Variants in C3orf20 observed in about 807,000 individuals in gnomAD.
C3orf20 encodes family with sequence similarity 149 member C, also known as uncharacterized protein C3orf20.
In C3orf20, 76 loss-of-function variants were observed where a neutral mutation model predicts 88.3. That is an observed-to-expected ratio of 0.86 (90% CI 0.72 to 1.04). The LOEUF (loss-of-function observed/expected upper bound fraction) is 1.04, where lower values mean the gene tolerates loss of function less well. Ranked by LOEUF, C3orf20 falls within the 50% of genes least tolerant of loss-of-function variation. The pLI, the probability that C3orf20 is intolerant of heterozygous loss-of-function variation, is 0.00. For synonymous variants in C3orf20, 436 were observed against 437.4 expected (o/e 1.00, Z 0.04); for missense variants, 1,056 against 1,123.3 (o/e 0.94, Z 0.86).
At chr3:14,686,193 C>CATGTGTGTGTGT (rs149515659) in intron 4 of C3orf20, among the ~76,000 whole-genome samples, 5 of 149,596 alleles carry the variant, frequency 3.3e-5, no homozygotes, top group South Asian at 2.1e-4. Context: ...GAATCATATT[C>CATGTGTGTGTGT]GTGTGTGTGT....
chr3:14,747,636 C>T (rs1472020949), intron 12 of C3orf20, among the ~76,000 whole-genome samples: 1 of 152,078 alleles, frequency 6.6e-6, no homozygotes, highest in Non-Finnish European at 1.5e-5. Context: ...CATGATTTTT[C>T]TCTTCAGTCA....
chr3:14,741,001 G>C (rs1265006539), intron 12 of C3orf20, among the ~76,000 whole-genome samples: 1 of 152,080 alleles, frequency 6.6e-6, no homozygotes, highest in South Asian at 2.1e-4. Context: ...GCCAATCCTT[G>C]ACTTTGTATC....
rs368656739 is a variant in C3orf20, at chr3:14,766,040, T to G, written c.2495+4425T>G. 5.3e-5 allele frequency among the ~76,000 whole-genome samples: 8 copies of G among 152,072 alleles called. No homozygotes were observed. The South Asian group carries it at 6.2e-4, about 12-fold the overall frequency. On this transcript the variant is annotated intron_variant, in intron 15 of 16. Coordinates refer to ENST00000253697, the MANE Select transcript of C3orf20 (RefSeq NM_032137.5). ...GGGGAGTCTGCAGGGCCTCTGGGAGTGGCGGGCCCAGTGGGCTGCACCAAG... is the reference window on the plus strand; with the variant it reads ...GGGGAGTCTGCAGGGCCTCTGGGAGGGGCGGGCCCAGTGGGCTGCACCAAG...
chr3:14,689,880 G>C (rs982124030), intron 4 of C3orf20, 117 bp from the exon 5 acceptor site: 1 of 1,337,464 alleles, frequency 7.5e-7, no homozygotes, highest in African/African-American at 1.5e-5. Flanking sequence ...TAACAATGCG[G>C]CACTTTACAG....
intron 12 of C3orf20, among the ~76,000 whole-genome samples, chr3:14,731,597 G>T (rs189232434): frequency 2.6e-5 from 4 of 152,256 alleles, no homozygotes; most frequent in African/African-American, 9.6e-5. Context: ...CAATGTTTCT[G>T]CTAAGGAAGC....
intron 12 of C3orf20, among the ~76,000 whole-genome samples, chr3:14,749,233 A>G (rs1471750224): frequency 6.6e-6 from 1 of 152,174 alleles, no homozygotes; most frequent in Non-Finnish European, 1.5e-5. Context: ...TTTTTTACTT[A>G]AAGTCTATTT....
intron 7 of C3orf20, among the ~76,000 whole-genome samples, chr3:14,713,597 C>A (rs2033828715): frequency 6.6e-6 from 1 of 152,224 alleles, no homozygotes; most frequent in Non-Finnish European, 1.5e-5. Flanking sequence ...GCTCTAGCCA[C>A]TTCCTTGTGA....
intron 12 of C3orf20, among the ~76,000 whole-genome samples, chr3:14,733,778 T>A (rs1469227422): frequency 6.6e-6 from 1 of 151,950 alleles, no homozygotes; most frequent in Non-Finnish European, 1.5e-5. Flanking sequence ...AACCTCTGCC[T>A]CCTGGGTTCA....
rs551233516 is a variant in C3orf20 at position 14,761,733 on chromosome 3, G to C, written c.2495+118G>C. The stretch of plus-strand genomic sequence containing the variant: ...GCAGGCGGGGCTGAAGGGATGGAGT[G>C]GGGAGGGGGGCTGGAGGTGGGAAGC... On this transcript the variant is annotated intron_variant, in intron 15 of 16. Transcript: ENST00000253697. The C allele has an allele frequency of 4.9e-6, 5 of 1,010,340 alleles. No homozygotes were observed. In the South Asian group the frequency reaches 5.7e-5, roughly 11 times the overall value. The allele number at this position is 1,010,340 out of a possible 1,614,324, so 62.6% of individuals were successfully genotyped here.
chr3:14,685,063 T>C lies in C3orf20; in HGVS notation c.625+681T>C, dbSNP rs553808963. 3.9e-5 allele frequency among the ~76,000 whole-genome samples: 6 copies of C among 152,196 alleles called. No homozygotes were observed. In the South Asian group the frequency reaches 1.0e-3, roughly 26 times the overall value. On this transcript the variant is annotated intron_variant, in intron 4 of 16. Coordinates refer to ENST00000253697, the MANE Select transcript of C3orf20 (RefSeq NM_032137.5). ...ATGTTTATTGCAGAATTCTTTGGAC[T>C]GGCAAAAATTAATCCGAATGTTTAT...
intron 4 of C3orf20, among the ~76,000 whole-genome samples, chr3:14,685,600 T>C (rs1373237723): frequency 6.6e-6 from 1 of 152,002 alleles, no homozygotes; most frequent in African/African-American, 2.4e-5. Context: ...TGCTATATAT[T>C]AGTTCTCCAC....
chr3:14,676,623 C>T (rs1183271346), intron 1 of C3orf20, among the ~76,000 whole-genome samples: 2 of 152,130 alleles, frequency 1.3e-5, no homozygotes, highest in African/African-American at 4.8e-5. Flanking sequence ...CCTGACACTC[C>T]TCCCCCCCAT....
intron 4 of C3orf20, among the ~76,000 whole-genome samples, chr3:14,687,679 T>A (rs2032502166): frequency 6.6e-6 from 1 of 152,194 alleles, no homozygotes; most frequent in South Asian, 2.1e-4. Context: ...CACTCCCACC[T>A]GAATACCATG....
chr3:14,747,963 T>C (rs2035105682), intron 12 of C3orf20, among the ~76,000 whole-genome samples: 1 of 152,110 alleles, frequency 6.6e-6, no homozygotes, highest in African/African-American at 2.4e-5. Flanking sequence ...TTTTCTTTTT[T>C]GTAGTGTCTT....
In C3orf20 at chr3:14,772,102, A is replaced by G. The variant is rs765560876; in HGVS notation, c.2531A>G (p.Glu844Gly). The G allele has an allele frequency of 1.9e-6, 3 of 1,614,200 alleles. 1 individual carries two copies. In the South Asian group the frequency reaches 3.3e-5, roughly 18 times the overall value. ...TCTGTCCTGAGCCTGGAGGATTCTG[A>G]ATCAGTCAAGAAAGCCGAGTCAGAA... is the stretch of plus-strand genomic sequence containing the variant. ...PNSVLSLEDS[E>G]SVKKAESEDI... is the part of the protein sequence containing the mutation. The change falls in exon 16 of 17, where the codon GAA becomes GGA. Residue 844 changes from glutamate to glycine, a missense_variant. Coordinates refer to ENST00000253697, the MANE Select transcript of C3orf20 (RefSeq NM_032137.5). This position sits in a 1 kb window ranked among gnomAD's most constrained non-coding sequence, Gnocchi z 4.2.
At chr3:14,760,415 C>T (rs556070932) in intron 14 of C3orf20, among the ~76,000 whole-genome samples, 1 of 152,258 alleles carries the variant, frequency 6.6e-6, no homozygotes, top group East Asian at 1.9e-4. Context: ...CATTTGCTCA[C>T]CCCACAGATA....
intron 5 of C3orf20, among the ~76,000 whole-genome samples, chr3:14,695,730 T>G (rs2032965071): frequency 6.6e-6 from 1 of 152,310 alleles, no homozygotes; most frequent in South Asian, 2.1e-4. Flanking sequence ...ATTGACTTCT[T>G]TATTATATAG....
chr3:14,732,663 T>A (rs1210115837), intron 12 of C3orf20, among the ~76,000 whole-genome samples: 1 of 152,090 alleles, frequency 6.6e-6, no homozygotes, highest in Non-Finnish European at 1.5e-5. Flanking sequence ...ATCTCGTGAG[T>A]TGAGGACAGA....
intron 5 of C3orf20, among the ~76,000 whole-genome samples, chr3:14,698,864 C>T (rs1463174100): frequency 6.6e-6 from 1 of 152,232 alleles, no homozygotes; most frequent in Non-Finnish European, 1.5e-5. Flanking sequence ...TTAGGGCAGA[C>T]AGTTCCCTCA....
Sources: allele counts gnomAD v4.1 joint callset (sites outside exome capture counted in the v4.1 genomes callset), GRCh38; gene constraint gnomAD v4.1.1; non-coding constraint Gnocchi (gnomAD v3.1); transcripts MANE v1.5; gene names NCBI Gene and HGNC (gene_info 2026-07-23, HGNC 2026-07-21).